Variants in KCTD16 observed in about 807,000 individuals in gnomAD.
KCTD16 encodes the protein potassium channel tetramerization domain containing 16.
A neutral mutation model predicts 33.2 loss-of-function variants in KCTD16; 13 were observed. The ratio of observed to expected loss-of-function variants is 0.39; its 90% CI spans 0.25 to 0.62. The LOEUF (loss-of-function observed/expected upper bound fraction) is 0.62. Among genes scored for constraint, KCTD16 ranks in the 20% least tolerant of loss-of-function variants. The pLI is 0.50. For missense variants in KCTD16, 441 were observed against 525.1 expected, an observed-to-expected ratio of 0.84 and a Z score of 1.57; for synonymous variants, 197 against 195.3, an observed-to-expected ratio of 1.01 and a Z score of -0.07.
intron 2 of KCTD16, among the ~76,000 whole-genome samples, chr5:144,182,333 G>T (rs1419947861): frequency 1.3e-5 from 2 of 152,124 alleles, no homozygotes; most frequent in Non-Finnish European, 2.9e-5. Flanking sequence ...AAATTCTATT[G>T]CTTATAAAGT....
At chr5:144,216,571 C>T (rs185523258) in intron 3 of KCTD16, among the ~76,000 whole-genome samples, 1,579 of 152,210 alleles carry the variant, frequency 0.01, 18 homozygotes, top group Non-Finnish European at 0.016. Flanking sequence ...CAGCCGGGCG[C>T]GGTGGCTCAC....
chr5:144,395,763 G>A (rs539056049), intron 3 of KCTD16, among the ~76,000 whole-genome samples: 2 of 152,276 alleles, frequency 1.3e-5, no homozygotes, highest in Admixed American at 6.5e-5. Flanking sequence ...GACCATGGGA[G>A]GCCATCAAGC....
At chr5:144,205,368 G>T in intron 2 of KCTD16, 4 of 396,340 alleles carry the variant, frequency 1.0e-5, no homozygotes, top group Non-Finnish European at 1.8e-5. Flanking sequence ...ATGGTTTCTT[G>T]CCTGCACTGC....
chr5:144,477,470 TG>T lies in KCTD16; in HGVS notation c.*3357del, dbSNP rs935684197. 7.2e-5 allele frequency: 11 copies of T among 152,136 alleles called. No individual in the cohort carries two copies. Among genetic ancestry groups the T allele is most frequent in the African/African-American group, 2.7e-4 (11 of 41,438 alleles). 9.4% of individuals were successfully genotyped at this position (152,136 alleles called of 1,614,324 possible). On this transcript the variant is annotated 3_prime_UTR_variant, in exon 4 of 4. Coordinates refer to ENST00000512467, the MANE Select transcript of KCTD16 (RefSeq NM_020768.4). ...GGGGAACACATTTATTAAGGGATGT[TG>T]ACATGGAATTTTTCTCTTTTCAATT... is the stretch of plus-strand genomic sequence containing the variant.
chr5:144,462,230 TTTCA>T (rs1022930260), intron 3 of KCTD16, among the ~76,000 whole-genome samples: 1 of 152,152 alleles, frequency 6.6e-6, no homozygotes, highest in Non-Finnish European at 1.5e-5. Context: ...GTCTTCAGGT[TTTCA>T]TTGTCTTCCC....
intron 3 of KCTD16, among the ~76,000 whole-genome samples, chr5:144,307,860 T>C (rs1247173779): frequency 6.6e-6 from 1 of 152,212 alleles, no homozygotes; most frequent in East Asian, 1.9e-4. Context: ...TCAGGGAGAT[T>C]AAGAGCCCCA....
intron 3 of KCTD16, among the ~76,000 whole-genome samples, chr5:144,294,201 G>A (rs961870528): frequency 6.6e-6 from 1 of 152,030 alleles, no homozygotes; most frequent in Non-Finnish European, 1.5e-5. Context: ...AAACCACAGC[G>A]TTTTTTGAAT....
chr5:144,465,887 G>A (rs537217708), intron 3 of KCTD16, among the ~76,000 whole-genome samples: 1 of 150,894 alleles, frequency 6.6e-6, no homozygotes, highest in African/African-American at 2.4e-5. Flanking sequence ...CACCCAGGCT[G>A]GAGTGCAATG....
At chr5:144,177,498 G>C (rs539045389) in intron 2 of KCTD16, among the ~76,000 whole-genome samples, 2 of 152,338 alleles carry the variant, frequency 1.3e-5, no homozygotes, top group African/African-American at 4.8e-5. Flanking sequence ...TCTCAGGGCT[G>C]TGAGGGTGAA....
At chr5:144,293,430 A>G (rs1185303704) in intron 3 of KCTD16, among the ~76,000 whole-genome samples, 1 of 152,176 alleles carries the variant, frequency 6.6e-6, no homozygotes, top group East Asian at 1.9e-4. Context: ...CTTTTTTAAA[A>G]TTATGGCTTT....
At chr5:144,251,360 G>C (rs1445884077) in intron 3 of KCTD16, among the ~76,000 whole-genome samples, 1 of 152,126 alleles carries the variant, frequency 6.6e-6, no homozygotes, top group Non-Finnish European at 1.5e-5. Context: ...CTCTGCCTCA[G>C]TTTCCTCATT....
At chr5:144,370,376 A>G (rs968741780) in intron 3 of KCTD16, among the ~76,000 whole-genome samples, 5 of 152,230 alleles carry the variant, frequency 3.3e-5, no homozygotes, top group African/African-American at 1.2e-4. Flanking sequence ...TTGGCCTAAA[A>G]GAGTGACTAT....
intron 3 of KCTD16, among the ~76,000 whole-genome samples, chr5:144,349,822 T>C (rs1415723376): frequency 6.6e-6 from 1 of 152,214 alleles, no homozygotes; most frequent in Admixed American, 6.5e-5. Context: ...AGTCCTGCTC[T>C]CTGTGACCAT....
chr5:144,343,908 C>T (rs1580888318), intron 3 of KCTD16, among the ~76,000 whole-genome samples: 1 of 152,076 alleles, frequency 6.6e-6, no homozygotes, highest in East Asian at 1.9e-4. Flanking sequence ...TTTCTGAATC[C>T]TAAGCCAAAA....
At chr5:144,452,588 C>A (rs1753970523) in intron 3 of KCTD16, among the ~76,000 whole-genome samples, 1 of 151,538 alleles carries the variant, frequency 6.6e-6, no homozygotes, top group Non-Finnish European at 1.5e-5. Flanking sequence ...CGGGAAAGAG[C>A]ATTGCTAGAT....
intron 3 of KCTD16, among the ~76,000 whole-genome samples, chr5:144,468,888 T>C (rs1580988868): frequency 2.6e-5 from 4 of 152,212 alleles, no homozygotes; most frequent in South Asian, 4.1e-4. Context: ...CTAAGTCATG[T>C]TTCACTCAGC....
intron 3 of KCTD16, among the ~76,000 whole-genome samples, chr5:144,306,212 G>A (rs1250234425): frequency 6.6e-6 from 1 of 152,256 alleles, no homozygotes; most frequent in Non-Finnish European, 1.5e-5. Context: ...GGCTTGAGCA[G>A]AGAAGGTAAC....
chr5:144,179,427 C>A (rs1752573041), intron 2 of KCTD16, among the ~76,000 whole-genome samples: 1 of 152,208 alleles, frequency 6.6e-6, no homozygotes, highest in South Asian at 2.1e-4. Flanking sequence ...ATTCACTCTG[C>A]TCCTGAGTGT....
intron 3 of KCTD16, among the ~76,000 whole-genome samples, chr5:144,227,105 G>A (rs376240274): frequency 9.1e-4 from 138 of 152,258 alleles, no homozygotes; most frequent in African/African-American, 3.2e-3. Context: ...ACATGTGTCT[G>A]GAGAGATGGA....
Sources: gnomAD v4.1 joint callset for allele counts (sites outside exome capture counted in the v4.1 genomes callset) on GRCh38, gnomAD v4.1.1 for gene constraint, MANE v1.5 for transcripts, NCBI Gene and HGNC (gene_info 2026-07-23, HGNC 2026-07-21) for gene names.